The following CCDC102B variants were observed in gnomAD, a reference collection of about 807,000 sequenced individuals.
CCDC102B encodes the protein coiled-coil domain containing 102B, also known as coiled-coil domain-containing protein 102B.
CCDC102B carries 75 observed loss-of-function variants against 57.4 expected under a neutral mutation model. That is an observed-to-expected ratio of 1.31 (90% CI 1.08 to 1.58). CCDC102B has a LOEUF of 1.58. CCDC102B is among the 40% of genes most tolerant of loss of function. The probability of loss-of-function intolerance (pLI) is 0.00; values close to 1 mark genes in which losing one functional copy is unlikely to be tolerated. For synonymous variants in CCDC102B, 206 were observed against 201.9 expected (o/e 1.02, Z -0.17); for missense variants, 636 against 582.6 (o/e 1.09, Z -0.94).
chr18:68,791,473 A>T (rs1193371994), intron 2 of CCDC102B, among the ~76,000 whole-genome samples: 1 of 152,158 alleles, frequency 6.6e-6, no homozygotes, highest in Non-Finnish European at 1.5e-5. Context: ...ACTCAGAAAA[A>T]TTAATTATAC....
chr18:69,043,312 G>A (rs2052478706), intron 7 of CCDC102B, among the ~76,000 whole-genome samples: 1 of 152,066 alleles, frequency 6.6e-6, no homozygotes, highest in African/African-American at 2.4e-5. Context: ...ATTGCCCAGG[G>A]ACGGGCAGGA....
At chr18:68,818,789 G>T (rs762787690) in intron 1 of CCDC102B, among the ~76,000 whole-genome samples, 9 of 152,078 alleles carry the variant, frequency 5.9e-5, no homozygotes, top group Non-Finnish European at 1.3e-4. Context: ...TCAATTTTGA[G>T]CAATTAGGAA....
At chr18:68,897,667 G>T in intron 6 of CCDC102B, 2 of 1,417,802 alleles carry the variant, frequency 1.4e-6, no homozygotes, top group South Asian at 2.4e-5. Context: ...TTTCCAAAAG[G>T]AAGAAGAAAA....
intron 2 of CCDC102B, among the ~76,000 whole-genome samples, chr18:68,731,049 C>T (rs1234848525): frequency 2.0e-5 from 3 of 152,032 alleles, no homozygotes; most frequent in Non-Finnish European, 4.4e-5. Context: ...TGCAATGGCG[C>T]GATCTTGGCT....
At chr18:68,727,158 G>A (rs1453465158) in intron 2 of CCDC102B, among the ~76,000 whole-genome samples, 1 of 152,208 alleles carries the variant, frequency 6.6e-6, no homozygotes, top group African/African-American at 2.4e-5. Flanking sequence ...TGCAGAGCCT[G>A]TAGTTGAAGC....
chr18:68,953,363 T>C (rs1327492404), intron 6 of CCDC102B, among the ~76,000 whole-genome samples: 1 of 151,008 alleles, frequency 6.6e-6, no homozygotes, highest in East Asian at 1.9e-4. Context: ...GTCTTTTTTT[T>C]TTTTTTTTTT....
chr18:68,847,598 T>A (rs1394408847), intron 4 of CCDC102B, among the ~76,000 whole-genome samples: 1 of 151,810 alleles, frequency 6.6e-6, no homozygotes, highest in Non-Finnish European at 1.5e-5. Flanking sequence ...GGTTTAATGT[T>A]TTATATTCAA....
At chr18:68,745,434 T>G (rs2033576309) in intron 2 of CCDC102B, among the ~76,000 whole-genome samples, 1 of 134,978 alleles carries the variant, frequency 7.4e-6, no homozygotes, top group Non-Finnish European at 1.6e-5. Context: ...TGTCCTTCAA[T>G]GCCCTCATTT....
intron 6 of CCDC102B, among the ~76,000 whole-genome samples, chr18:68,978,715 A>C (rs991567114): frequency 1.1e-4 from 17 of 152,094 alleles, no homozygotes; most frequent in African/African-American, 4.1e-4. Flanking sequence ...ACATTAAAAT[A>C]ATTCTTCTAA....
chr18:68,781,866 T>A (rs1233909301), intron 2 of CCDC102B, among the ~76,000 whole-genome samples: 3 of 152,130 alleles, frequency 2.0e-5, no homozygotes, highest in African/African-American at 7.2e-5. Flanking sequence ...TGAGAAAATG[T>A]TTTAATTTCA....
intron 1 of CCDC102B, among the ~76,000 whole-genome samples, chr18:68,802,080 A>G (rs2035875130): frequency 6.6e-6 from 1 of 152,166 alleles, no homozygotes; most frequent in African/African-American, 2.4e-5. Context: ...AAAGAGAAAG[A>G]TGTGGAAGTG....
intron 2 of CCDC102B, among the ~76,000 whole-genome samples, chr18:68,738,664 G>A (rs2033251940): frequency 6.6e-6 from 1 of 152,164 alleles, no homozygotes; most frequent in Admixed American, 6.5e-5. Context: ...CTGTGAGAAT[G>A]GAGTTTGACT....
intron 2 of CCDC102B, among the ~76,000 whole-genome samples, chr18:68,719,648 C>T (rs1369942788): frequency 6.6e-6 from 1 of 152,220 alleles, no homozygotes; most frequent in Admixed American, 6.5e-5. Context: ...TACTCAGATA[C>T]TCATTCAAAT....
chr18:68,942,296 T>G (rs1250708666), intron 6 of CCDC102B, among the ~76,000 whole-genome samples: 1 of 152,046 alleles, frequency 6.6e-6, no homozygotes, highest in Non-Finnish European at 1.5e-5. Context: ...CCTCCACACC[T>G]GTGGGCGTTT....
At chr18:68,926,286 T>C (rs1409471147) in intron 6 of CCDC102B, among the ~76,000 whole-genome samples, 1 of 151,894 alleles carries the variant, frequency 6.6e-6, no homozygotes, top group African/African-American at 2.4e-5. Context: ...TTTAATCAAA[T>C]ATAATCTCAA....
At chr18:68,887,710 AAC>A (rs2039938825) in intron 5 of CCDC102B, among the ~76,000 whole-genome samples, 4 of 152,364 alleles carry the variant, frequency 2.6e-5, no homozygotes, top group African/African-American at 9.6e-5. Context: ...TATCACAACT[AAC>A]ACAATATTTT....
chr18:68,907,863 C>A (rs989196020), intron 6 of CCDC102B, among the ~76,000 whole-genome samples: 13 of 152,146 alleles, frequency 8.5e-5, no homozygotes, highest in Non-Finnish European at 1.6e-4. Context: ...TGTATTGGGG[C>A]TCATCTTAGG....
At chr18:68,783,411 T>C (rs1307433277) in intron 2 of CCDC102B, among the ~76,000 whole-genome samples, 1 of 152,174 alleles carries the variant, frequency 6.6e-6, no homozygotes, top group Non-Finnish European at 1.5e-5. Context: ...ATCTACTTCA[T>C]TCAAATGTCA....
At chr18:68,858,778 GTAA>G (rs1234486551) in intron 4 of CCDC102B, among the ~76,000 whole-genome samples, 1 of 152,036 alleles carries the variant, frequency 6.6e-6, no homozygotes, top group African/African-American at 2.4e-5. Flanking sequence ...ACTATCTTTT[GTAA>G]TACATACATT....
Sources: gnomAD v4.1 joint callset for allele counts (sites outside exome capture counted in the v4.1 genomes callset) on GRCh38, gnomAD v4.1.1 for gene constraint, MANE v1.5 for transcripts, NCBI Gene and HGNC (gene_info 2026-07-23, HGNC 2026-07-21) for gene names.